UNC79: variants seen among roughly 807,000 people sequenced by gnomAD.
The protein encoded by UNC79 is unc-79 subunit of NALCN channel complex.
Under a neutral mutation model 283.1 loss-of-function variants are expected in UNC79, and 37 were observed. That is an observed-to-expected ratio of 0.13 (90% confidence interval 0.10 to 0.17). The LOEUF is 0.17. UNC79 is among the 10% of genes least tolerant of loss of function. UNC79 has a pLI of 1.00. For synonymous variants in UNC79, 1,107 were observed against 1,200.2 expected, an observed-to-expected ratio of 0.92 and a Z score of 1.61; for missense variants, 2,272 against 3,211.1, an observed-to-expected ratio of 0.71 and a Z score of 7.07.
chr14:93,429,991 C>G (rs367909081), upstream of UNC79, among the ~76,000 whole-genome samples: 1 of 152,184 alleles, frequency 6.6e-6, no homozygotes, highest in East Asian at 1.9e-4. Flanking sequence ...TTCCCGACTC[C>G]AAGTGTCTCT....
chr14:93,639,329 T>A (rs1858219739), intron 32 of UNC79, among the ~76,000 whole-genome samples: 1 of 152,356 alleles, frequency 6.6e-6, no homozygotes, highest in East Asian at 1.9e-4. Flanking sequence ...TCAAGAAATG[T>A]GGAGTATTGA....
Position 93,393,565 on chromosome 14 carries a change from A to C in UNC79, c.-351+60042A>C, listed in dbSNP as rs551820678. ...AAAGTATTACATAAGTATTCTTGCC[A>C]TTTTTCTAGGTGAAATTACACCTCA... On this transcript the variant is annotated intron_variant, in intron 1 of 49. Transcript: ENST00000256339. Among the ~76,000 whole-genome samples, 65 of 152,302 alleles carry C rather than the reference A, an allele frequency of 4.3e-4. No homozygotes were observed. The East Asian group carries it at 0.012, about 28-fold the overall frequency.
At chr14:93,455,889 G>A (rs1157743580) in intron 1 of UNC79, among the ~76,000 whole-genome samples, 2 of 148,916 alleles carry the variant, frequency 1.3e-5, no homozygotes, top group Non-Finnish European at 3.0e-5. Flanking sequence ...GTTTTGTTTT[G>A]TTTTTCCCAT....
intron 37 of UNC79, among the ~76,000 whole-genome samples, chr14:93,654,518 G>A (rs1427550206): frequency 3.3e-5 from 5 of 151,418 alleles, no homozygotes; most frequent in Non-Finnish European, 7.4e-5. Flanking sequence ...TCGCAACGGA[G>A]CGAGACCCCC....
At chr14:93,559,019 TAAAAG>T (rs1263426941) in intron 14 of UNC79, among the ~76,000 whole-genome samples, 1 of 152,098 alleles carries the variant, frequency 6.6e-6, no homozygotes, top group Non-Finnish European at 1.5e-5. Flanking sequence ...ACAGCACTGA[TAAAAG>T]AAAAACTTCA....
intron 1 of UNC79, among the ~76,000 whole-genome samples, chr14:93,386,094 T>C (rs2054769601): frequency 6.6e-6 from 1 of 152,222 alleles, no homozygotes. Context: ...TTCAGTGTGA[T>C]ACTAGCTGTG....
intron 31 of UNC79, among the ~76,000 whole-genome samples, chr14:93,631,241 A>G: frequency 6.6e-6 from 1 of 152,340 alleles, no homozygotes; most frequent in African/African-American, 2.4e-5. Flanking sequence ...GGCACATGAA[A>G]AGCATTGTCT....
intron 40 of UNC79, among the ~76,000 whole-genome samples, chr14:93,663,771 A>G (rs957882115): frequency 6.6e-6 from 1 of 151,924 alleles, no homozygotes; most frequent in African/African-American, 2.4e-5. Flanking sequence ...CTTCTTTTTC[A>G]CTTAAAAATG....
At chr14:93,648,766 A>G (rs897855295) in intron 35 of UNC79, among the ~76,000 whole-genome samples, 6 of 152,214 alleles carry the variant, frequency 3.9e-5, no homozygotes, top group African/African-American at 1.2e-4. Context: ...GCACATAGTT[A>G]TGGAAAGAGC....
intron 40 of UNC79, among the ~76,000 whole-genome samples, chr14:93,672,999 C>T (rs1035974791): frequency 1.3e-5 from 2 of 152,172 alleles, no homozygotes; most frequent in Non-Finnish European, 2.9e-5. Flanking sequence ...ATATGTTTCT[C>T]TCTAAATCAT....
At chr14:93,660,595 T>C (rs2071491860) in intron 39 of UNC79, among the ~76,000 whole-genome samples, 1 of 141,418 alleles carries the variant, frequency 7.1e-6, no homozygotes, top group South Asian at 2.3e-4. Context: ...TTTATTTTAT[T>C]TTATTTTATT....
intron 20 of UNC79, 118 bp from the exon 21 acceptor site, chr14:93,586,478 A>C: frequency 7.0e-6 from 6 of 856,744 alleles, no homozygotes; most frequent in Non-Finnish European, 1.1e-5. Flanking sequence ...GTTTTCTCAA[A>C]CAATTTTGCA....
intron 1 of UNC79, among the ~76,000 whole-genome samples, chr14:93,350,847 C>CTGT (rs35481545): frequency 0.072 from 10,936 of 152,176 alleles, 815 homozygotes; most frequent in African/African-American, 0.19. Flanking sequence ...CTAGTTCCAG[C>CTGT]TGTTGTGGCC....
Position 93,474,213 on chromosome 14 carries a change from A to T in UNC79, c.268A>T (p.Ile90Phe). ...ATCTCTAAGACCGCAGGTCAGTTCC[A>T]TCAACCCTACTGTTACTCGCTCCCT... is the stretch of plus-strand genomic sequence containing the variant. Residue 90 changes from isoleucine (I) to phenylalanine (F), a missense_variant, in exon 3 of 49, where the codon ATC (isoleucine) becomes TTC (phenylalanine). By Grantham distance (21) the Ile-to-Phe change is conservative (BLOSUM62 0). Coordinates refer to ENST00000555664, the Ensembl canonical transcript of UNC79. This position sits in a 1 kb window ranked among gnomAD's most constrained non-coding sequence, Gnocchi z 4.1. The T allele has an allele frequency of 6.5e-7, 1 of 1,535,988 alleles. No homozygotes were observed. The highest frequency in any genetic ancestry group is 8.7e-7 in the Non-Finnish European group (1 of 1,146,856).
intron 46 of UNC79, among the ~76,000 whole-genome samples, chr14:93,692,678 A>C (rs555900941): frequency 6.6e-6 from 1 of 152,296 alleles, no homozygotes; most frequent in East Asian, 1.9e-4. Flanking sequence ...AGTACTGTTG[A>C]ATGTAGACGG....
At chr14:93,363,726 CT>C (rs948735646) in intron 1 of UNC79, among the ~76,000 whole-genome samples, 35 of 148,842 alleles carry the variant, frequency 2.4e-4, no homozygotes, top group African/African-American at 5.7e-4. Context: ...TAATGCCTTT[CT>C]TTTTTTTTTG....
At chr14:93,373,680 G>A (rs2054500199) in intron 1 of UNC79, among the ~76,000 whole-genome samples, 1 of 152,126 alleles carries the variant, frequency 6.6e-6, no homozygotes, top group African/African-American at 2.4e-5. Flanking sequence ...AAACATTTTA[G>A]GAAGAAATCA....
At chr14:93,453,959 A>G (rs1341230962) in intron 1 of UNC79, among the ~76,000 whole-genome samples, 1 of 152,112 alleles carries the variant, frequency 6.6e-6, no homozygotes, top group Non-Finnish European at 1.5e-5. Context: ...AGATTGTTTG[A>G]GGGGAATAAA....
chr14:93,385,213 T>C (rs2054745003), intron 1 of UNC79, among the ~76,000 whole-genome samples: 1 of 152,214 alleles, frequency 6.6e-6, no homozygotes, highest in Non-Finnish European at 1.5e-5. Context: ...AAGACTATCA[T>C]TGGTATTTTG....
Sources: allele counts gnomAD v4.1 joint callset (sites outside exome capture counted in the v4.1 genomes callset), GRCh38; gene constraint gnomAD v4.1.1; non-coding constraint Gnocchi (gnomAD v3.1); transcripts MANE v1.5; gene names NCBI Gene and HGNC (gene_info 2026-07-23, HGNC 2026-07-21).